SMIM13: variants seen among roughly 807,000 people sequenced by gnomAD.
SMIM13 encodes the protein UPF0766 protein C6orf228.
Under a neutral mutation model 5.9 loss-of-function variants are expected in SMIM13, and 3 were observed. That is an observed-to-expected ratio of 0.51 (90% CI 0.23 to 1.31). The LOEUF is 1.31. Among genes scored for constraint, SMIM13 ranks in the 40% most tolerant of loss-of-function variants. The probability of loss-of-function intolerance (pLI) is 0.18; values close to 1 mark genes in which losing one functional copy is unlikely to be tolerated. For missense variants in SMIM13, 85 were observed against 109.9 expected, an observed-to-expected ratio of 0.77 and a Z score of 1.01; for synonymous variants, 55 against 46.0, an observed-to-expected ratio of 1.19 and a Z score of -0.79.
At position 11,137,552 on chromosome 6, in the gene SMIM13, A is replaced by G. The variant is rs1758531153; in HGVS notation, c.*2950A>G. The G allele has an allele frequency of 6.6e-6, 1 of 151,936 alleles. No homozygotes were observed. Among genetic ancestry groups the G allele is most frequent in the Non-Finnish European group, 1.5e-5 (1 of 67,958 alleles). 9.4% of individuals were successfully genotyped at this position (151,936 alleles called of 1,614,324 possible). On this transcript the variant is annotated 3_prime_UTR_variant, in exon 2 of 2. Coordinates refer to ENST00000416247, the MANE Select transcript of SMIM13 (RefSeq NM_001135575.2). ...CATACATGTATTAGAATCTTGTCTA[A>G]CCCCTCACAAAGGATGATGGTGATC...
At chr6:11,111,656 C>T (rs1345692174) in intron 1 of SMIM13, 1 of 152,264 alleles carries the variant, frequency 6.6e-6, no homozygotes, top group Admixed American at 6.5e-5. Context: ...CCGAAGAAGG[C>T]AAGGCGTAGA....
chr6:11,134,638 G>C lies in SMIM13; in HGVS notation c.*36G>C, dbSNP rs1758495301. 1 of 1,396,076 alleles carries C rather than the reference G, an allele frequency of 7.2e-7. No individual in the cohort carries two copies. The highest frequency in any genetic ancestry group is 1.5e-5 in the African/African-American group (1 of 68,216). The allele number at this position is 1,396,076 out of a possible 1,614,324, so 86.5% of individuals were successfully genotyped here. ...GTGAAGGATGAAAAGGCAGTTGCCAGCTTCTGTCTTTTACTGACTTCGCTT... is the reference window on the plus strand; with the variant it reads ...GTGAAGGATGAAAAGGCAGTTGCCACCTTCTGTCTTTTACTGACTTCGCTT... On this transcript the variant is annotated 3_prime_UTR_variant, in exon 2 of 2. Coordinates refer to ENST00000416247, the MANE Select transcript of SMIM13 (RefSeq NM_001135575.2).
intron 1 of SMIM13, among the ~76,000 whole-genome samples, chr6:11,114,592 C>CT (rs58585640): frequency 0.17 from 3,620 of 21,918 alleles, 957 homozygotes; most frequent in African/African-American, 0.25. Flanking sequence ...CACTTTTTCT[C>CT]TTTTTTTTTT....
intron 1 of SMIM13, among the ~76,000 whole-genome samples, chr6:11,119,260 C>T (rs889797513): frequency 2.0e-5 from 3 of 152,212 alleles, no homozygotes; most frequent in Admixed American, 1.3e-4. Flanking sequence ...TCCTCTCTCT[C>T]TTTCTCTCTC....
At chr6:11,119,623 C>T (rs1258301590) in intron 1 of SMIM13, among the ~76,000 whole-genome samples, 1 of 151,786 alleles carries the variant, frequency 6.6e-6, no homozygotes, top group Non-Finnish European at 1.5e-5. Context: ...CACTGCACTC[C>T]AGCCTGGACG....
At chr6:11,129,057 A>C (rs914638941) in intron 1 of SMIM13, among the ~76,000 whole-genome samples, 4 of 142,884 alleles carry the variant, frequency 2.8e-5, no homozygotes, top group Non-Finnish European at 6.1e-5. Context: ...TAGTTGTTCA[A>C]TTTGGCATTG....
intron 1 of SMIM13, chr6:11,111,635 A>G (rs1052352205): frequency 2.6e-5 from 4 of 152,266 alleles, no homozygotes; most frequent in African/African-American, 7.2e-5. Context: ...ACGAGGGTTG[A>G]ACGCCTCCAG....
At chr6:11,103,652 G>A (rs1478799781) in intron 1 of SMIM13, 20 of 1,495,074 alleles carry the variant, frequency 1.3e-5, no homozygotes, top group African/African-American at 2.8e-5. Flanking sequence ...GCAGGATTTC[G>A]CCTCTGTCGT....
chr6:11,135,291 G>A lies in SMIM13; in HGVS notation c.*689G>A, dbSNP rs1210112781. ...GCAAAGCAACAACAAAATGTTTTAC[G>A]GGACCTAAGAAAGGTAGGTACCCAC... On this transcript the variant is annotated 3_prime_UTR_variant, in exon 2 of 2. Transcript: ENST00000416247. The A allele has an allele frequency of 1.3e-5, 2 of 152,482 alleles. No individual in the cohort carries two copies. Among genetic ancestry groups the A allele is most frequent in the Non-Finnish European group, 1.5e-5 (1 of 68,000 alleles). The allele number at this position is 152,482 out of a possible 1,614,324, so 9.4% of individuals were successfully genotyped here.
At chr6:11,105,576 C>T in intron 1 of SMIM13, 2 of 407,560 alleles carry the variant, frequency 4.9e-6, no homozygotes, top group Admixed American at 4.0e-5. Flanking sequence ...AGGGCTTTTC[C>T]ACAGCTTCAC....
intron 1 of SMIM13, among the ~76,000 whole-genome samples, chr6:11,100,566 T>C (rs997160508): frequency 1.3e-5 from 2 of 152,238 alleles, no homozygotes; most frequent in Non-Finnish European, 2.9e-5. Flanking sequence ...TTTCTGGATC[T>C]CATGTCATTA....
chr6:11,104,526 A>G lies in SMIM13; in HGVS notation c.76+10137A>G, dbSNP rs779404885. On this transcript the variant is annotated intron_variant, in intron 1 of 1. Coordinates refer to ENST00000416247, the MANE Select transcript of SMIM13 (RefSeq NM_001135575.2). ...TGATATGCCCAGGTAGCTGGTGGCT[A>G]TAGTCATGCCTGCTAAGACTTGGAC... 137 of 1,572,596 alleles carry G rather than the reference A, an allele frequency of 8.7e-5. No individual in the cohort carries two copies. Among genetic ancestry groups the G allele is most frequent in the Middle Eastern group, 6.6e-4 (4 of 6,036 alleles).
intron 1 of SMIM13, chr6:11,104,224 T>C (rs1561752480): frequency 6.4e-7 from 1 of 1,551,704 alleles, no homozygotes; most frequent in Non-Finnish European, 8.7e-7. Context: ...CCAGCTAGAA[T>C]GCCGAGTCCC....
intron 1 of SMIM13, among the ~76,000 whole-genome samples, chr6:11,112,403 C>G (rs1758181004): frequency 6.6e-6 from 1 of 152,116 alleles, no homozygotes; most frequent in Admixed American, 6.6e-5. Context: ...CAGGTGTGCA[C>G]CACCATGCCC....
At chr6:11,108,091 C>T (rs1352549569) in intron 1 of SMIM13, among the ~76,000 whole-genome samples, 3 of 152,146 alleles carry the variant, frequency 2.0e-5, no homozygotes, top group Non-Finnish European at 2.9e-5. Context: ...AGCCCCTAGT[C>T]TGAGCAAAAT....
chr6:11,112,675 A>G (rs937012329), intron 1 of SMIM13, among the ~76,000 whole-genome samples: 1 of 152,222 alleles, frequency 6.6e-6, no homozygotes, highest in African/African-American at 2.4e-5. Context: ...TGTTGTGTAT[A>G]TCAGTAATAC....
At chr6:11,124,574 G>C (rs1581919708) in intron 1 of SMIM13, among the ~76,000 whole-genome samples, 1 of 152,130 alleles carries the variant, frequency 6.6e-6, no homozygotes, top group South Asian at 2.1e-4. Context: ...ATTTTTAAAG[G>C]AACCTCCGAA....
At chr6:11,129,883 A>G (rs1456997435) in intron 1 of SMIM13, among the ~76,000 whole-genome samples, 1 of 152,124 alleles carries the variant, frequency 6.6e-6, no homozygotes, top group Non-Finnish European at 1.5e-5. Flanking sequence ...TTTTCCTGGT[A>G]TGTATTCCTT....
chr6:11,115,375 T>C (rs991936480), intron 1 of SMIM13, among the ~76,000 whole-genome samples: 4 of 152,050 alleles, frequency 2.6e-5, no homozygotes, highest in South Asian at 2.1e-4. Flanking sequence ...GGAGCTTGGG[T>C]TCCTCCTTCA....
Sources: gnomAD v4.1 joint callset for allele counts (sites outside exome capture counted in the v4.1 genomes callset) on GRCh38, gnomAD v4.1.1 for gene constraint, MANE v1.5 for transcripts, NCBI Gene and HGNC (gene_info 2026-07-23, HGNC 2026-07-21) for gene names.